Variants in RYR2 observed in about 807,000 individuals in gnomAD.
RYR2 encodes ryanodine receptor 2.
RYR2 carries 227 observed loss-of-function variants against 601.1 expected under a neutral mutation model. That is an observed-to-expected ratio of 0.38 (90% CI 0.34 to 0.42). The LOEUF is 0.42. RYR2 is among the 10% of genes least tolerant of loss of function. The pLI is 1.00. For missense variants in RYR2, 4,646 were observed against 6,156.5 expected (o/e 0.75, Z 8.21); for synonymous variants, 2,223 against 2,175.1 (o/e 1.02, Z -0.61).
At chr1:237,581,903 C>T (rs1416393873) in intron 29 of RYR2, among the ~76,000 whole-genome samples, 4 of 152,166 alleles carry the variant, frequency 2.6e-5, no homozygotes, top group Non-Finnish European at 1.5e-5. Context: ...AATCCAAGTA[C>T]AACCCAATTC....
intron 1 of RYR2, among the ~76,000 whole-genome samples, chr1:237,056,277 A>C (rs1183887243): frequency 7.5e-6 from 1 of 133,078 alleles, no homozygotes; most frequent in Admixed American, 7.8e-5. Flanking sequence ...AGGACTAGAG[A>C]CTATACCTGT....
chr1:237,053,646 GTGCCA>G, intron 1 of RYR2, among the ~76,000 whole-genome samples: 1 of 152,330 alleles, frequency 6.6e-6, no homozygotes, highest in South Asian at 2.1e-4. Flanking sequence ...TGCCTGCTAC[GTGCCA>G]TGCTTCTTGC....
intron 1 of RYR2, among the ~76,000 whole-genome samples, 193 bp downstream of exon 1, chr1:237,042,762 C>T (rs373553771): frequency 6.6e-6 from 1 of 152,078 alleles, no homozygotes; most frequent in African/African-American, 2.4e-5. Flanking sequence ...AAGGCAAGGG[C>T]GCGTGTCTGT....
At chr1:237,549,540 A>G (rs1423884390) in intron 26 of RYR2, among the ~76,000 whole-genome samples, 1 of 151,480 alleles carries the variant, frequency 6.6e-6, no homozygotes, top group Non-Finnish European at 1.5e-5. Flanking sequence ...CAAAACAACA[A>G]CAAAAACAAC....
intron 51 of RYR2, among the ~76,000 whole-genome samples, chr1:237,653,034 A>G (rs897630086): frequency 2.6e-5 from 4 of 152,226 alleles, no homozygotes. Context: ...AGATCATTTT[A>G]TTAATTTGAC....
intron 79 of RYR2, among the ~76,000 whole-genome samples, chr1:237,736,698 A>T (rs916500054): frequency 5.3e-5 from 8 of 152,178 alleles, no homozygotes; most frequent in African/African-American, 1.9e-4. Flanking sequence ...TGAAAGAGAC[A>T]TCGTGGCAAT....
chr1:237,364,372 G>C lies in RYR2; in HGVS notation c.309G>C (p.Lys103Asn). 1 of 1,549,744 alleles carries C rather than the reference G, an allele frequency of 6.5e-7. No homozygotes were observed. Among genetic ancestry groups the C allele is most frequent in the Non-Finnish European group, 8.8e-7 (1 of 1,134,802 alleles). The change falls in exon 5 of 105, where the codon AAG (lysine) becomes AAC (asparagine). Residue 103 changes from lysine (K) to asparagine (N), a missense_variant and splice_region_variant. Around this residue, in one of 17 missense-constraint regions of RYR2, gnomAD observed 153 missense variants for 203.6 expected, o/e 0.75. Transcript: ENST00000366574. Reference protein sequence around the residue: ...VDVEKWKFMMKTAQGGGHRTL... With the variant: ...VDVEKWKFMMNTAQGGGHRTL... ...TGCCCCTACAGAAATTCATGATGAAGGTAAGACATCTTAATATATATGCTA... is the reference window on the plus strand; with the variant it reads ...TGCCCCTACAGAAATTCATGATGAACGTAAGACATCTTAATATATATGCTA...
intron 1 of RYR2, among the ~76,000 whole-genome samples, chr1:237,230,132 G>A (rs1218590739): frequency 6.6e-6 from 1 of 152,124 alleles, no homozygotes; most frequent in African/African-American, 2.4e-5. Context: ...AAAAGCAACT[G>A]TCTTGTATTT....
chr1:237,141,313 G>T (rs1278611342), intron 1 of RYR2, among the ~76,000 whole-genome samples: 2 of 152,108 alleles, frequency 1.3e-5, no homozygotes, highest in East Asian at 3.8e-4. Context: ...TCTTTGTTGG[G>T]TAAAGGAAAT....
intron 10 of RYR2, among the ~76,000 whole-genome samples, chr1:237,399,458 C>T (rs960403498): frequency 2.0e-5 from 3 of 152,092 alleles, no homozygotes; most frequent in African/African-American, 4.8e-5. Context: ...AGGATCTTGC[C>T]TGTGATGGTG....
chr1:237,589,394 G>A (rs12725303), intron 29 of RYR2, among the ~76,000 whole-genome samples: 77,729 of 151,924 alleles, frequency 0.51, 20,235 homozygotes, highest in East Asian at 0.67. Flanking sequence ...AGCAAGGCAA[G>A]TGAACCACAT....
chr1:237,412,185 T>C (rs552343214), intron 10 of RYR2, among the ~76,000 whole-genome samples: 132 of 152,218 alleles, frequency 8.7e-4, no homozygotes, highest in African/African-American at 3.1e-3. Context: ...AATTGTGTTT[T>C]ATAGCCAAAA....
chr1:237,687,616 A>G (rs1157769416), intron 63 of RYR2, 112 bp downstream of exon 63: 4 of 821,546 alleles, frequency 4.9e-6, no homozygotes, highest in Non-Finnish European at 8.3e-6. Context: ...GCATGGCTGC[A>G]TGCATGGTCG....
intron 40 of RYR2, 151 bp from the exon 41 acceptor site, chr1:237,627,656 A>G: frequency 1.4e-6 from 1 of 718,568 alleles, no homozygotes; most frequent in Non-Finnish European, 2.2e-6. Flanking sequence ...CATCCAATGA[A>G]GGTTATTTTC....
At chr1:237,449,202 T>C (rs1371751534) in intron 14 of RYR2, among the ~76,000 whole-genome samples, 1 of 152,228 alleles carries the variant, frequency 6.6e-6, no homozygotes, top group Non-Finnish European at 1.5e-5. Flanking sequence ...GTATTTTCTA[T>C]TATTTCATCT....
At chr1:237,793,383 TTTGC>T (rs1177583918) in intron 94 of RYR2, among the ~76,000 whole-genome samples, 1 of 152,214 alleles carries the variant, frequency 6.6e-6, no homozygotes, top group Non-Finnish European at 1.5e-5. Flanking sequence ...CTGACAGATT[TTTGC>T]TGATGTCGAA....
At chr1:237,181,555 G>A (rs563618327) in intron 1 of RYR2, among the ~76,000 whole-genome samples, 12 of 152,280 alleles carry the variant, frequency 7.9e-5, no homozygotes, top group African/African-American at 2.6e-4. Flanking sequence ...TTTTGATGCT[G>A]TGACAGAGAT....
intron 2 of RYR2, among the ~76,000 whole-genome samples, chr1:237,291,640 G>A (rs914156939): frequency 6.6e-6 from 1 of 152,140 alleles, no homozygotes; most frequent in African/African-American, 2.4e-5. Flanking sequence ...AAGACATGGA[G>A]GAACCTTAAA....
intron 1 of RYR2, among the ~76,000 whole-genome samples, chr1:237,172,410 C>T (rs759848954): frequency 6.6e-6 from 1 of 151,948 alleles, no homozygotes; most frequent in Non-Finnish European, 1.5e-5. Flanking sequence ...AAAATTATGT[C>T]ACCTTGCTTG....
Sources: allele counts gnomAD v4.1 joint callset (sites outside exome capture counted in the v4.1 genomes callset), GRCh38; gene constraint gnomAD v4.1.1; regional missense constraint gnomAD v4.1.1; transcripts MANE v1.5; gene names NCBI Gene and HGNC (gene_info 2026-07-23, HGNC 2026-07-21).